The following PRKCB variants were observed in gnomAD, a reference collection of about 807,000 sequenced individuals.
PRKCB encodes protein kinase C beta type.
In PRKCB, 13 loss-of-function variants were observed where a neutral mutation model predicts 81.5. That is an observed-to-expected ratio of 0.16 (90% CI 0.10 to 0.25). The LOEUF (loss-of-function observed/expected upper bound fraction) is 0.25. PRKCB is among the 10% of genes least tolerant of loss of function. The pLI is 1.00. For missense variants in PRKCB, 509 were observed against 875.7 expected (o/e 0.58, Z 5.29); for synonymous variants, 335 against 321.4 (o/e 1.04, Z -0.45).
intron 2 of PRKCB, among the ~76,000 whole-genome samples, chr16:23,912,574 G>A (rs10459766): frequency 0.58 from 78,561 of 136,258 alleles, 22,650 homozygotes; most frequent in Admixed American, 0.64. Context: ...GTGCAGTGGC[G>A]TGATCTAGGC....
intron 2 of PRKCB, among the ~76,000 whole-genome samples, chr16:23,964,266 T>C (rs749003229): frequency 2.0e-5 from 3 of 152,214 alleles, no homozygotes; most frequent in Non-Finnish European, 4.4e-5. Flanking sequence ...CTGATCTAGA[T>C]AGAACAGGAT....
At chr16:24,124,847 T>C (rs198186) in intron 9 of PRKCB, among the ~76,000 whole-genome samples, 119,701 of 152,076 alleles carry the variant, frequency 0.79, 48,035 homozygotes, top group East Asian at 0.96. Context: ...GTATTCCCAC[T>C]GTTCCTGGCC....
chr16:23,990,733 A>G (rs1452610001), intron 3 of PRKCB, among the ~76,000 whole-genome samples: 2 of 152,062 alleles, frequency 1.3e-5, no homozygotes, highest in Non-Finnish European at 2.9e-5. Flanking sequence ...TTGCTTGTAA[A>G]GATAGGTTTT....
chr16:24,110,216 AT>A (rs549422060), intron 7 of PRKCB, among the ~76,000 whole-genome samples: 112 of 143,092 alleles, frequency 7.8e-4, no homozygotes, highest in African/African-American at 2.4e-3. Flanking sequence ...TTTTAAGTCT[AT>A]TTTTTTTTTC....
In PRKCB at chr16:23,882,025, C is replaced by CTTTCTTTCTTT. The variant is rs1597226197; in HGVS notation, c.205+44619_205+44620insTTTCTTTCTTT. On this transcript the variant is annotated intron_variant, in intron 2 of 16. Coordinates refer to ENST00000643927, the MANE Select transcript of PRKCB (RefSeq NM_002738.7). ...TTCTTTCTTTCTTTCTTTCTTTCTT[C>CTTTCTTTCTTT]CTTCCTTCCTTCCTTCCTTCCTTCC... 2.8e-3 allele frequency among the ~76,000 whole-genome samples: 51 copies of CTTTCTTTCTTT among 18,318 alleles called. 2 individuals carry two copies. Among genetic ancestry groups the CTTTCTTTCTTT allele is most frequent in the Non-Finnish European group, 4.1e-3 (34 of 8,380 alleles). The allele number at this position is 18,318 out of a possible 152,430, so 12.0% of individuals were successfully genotyped here. A position where few individuals can be genotyped will look rare whatever the true frequency, so the allele number is the denominator to read the frequency against.
chr16:24,021,088 T>TTTCTTTC (rs1319448779), intron 3 of PRKCB, among the ~76,000 whole-genome samples: 2 of 130,502 alleles, frequency 1.5e-5, no homozygotes, highest in African/African-American at 3.0e-5. Flanking sequence ...TCTTTCTTTC[T>TTTCTTTC]TTTTTTCTTT....
At chr16:23,960,138 A>G (rs758819687) in intron 2 of PRKCB, among the ~76,000 whole-genome samples, 15 of 152,350 alleles carry the variant, frequency 9.8e-5, no homozygotes, top group Non-Finnish European at 1.8e-4. Flanking sequence ...CCCATCCTCA[A>G]CCAATGACTT....
chr16:23,927,063 G>GA (rs1483092259), intron 2 of PRKCB, among the ~76,000 whole-genome samples: 1 of 152,166 alleles, frequency 6.6e-6, no homozygotes, highest in Non-Finnish European at 1.5e-5. Flanking sequence ...GTCTGGTAAA[G>GA]AATGCAGATG....
intron 2 of PRKCB, among the ~76,000 whole-genome samples, chr16:23,855,737 C>T (rs1471865674): frequency 6.6e-6 from 1 of 152,178 alleles, no homozygotes; most frequent in Non-Finnish European, 1.5e-5. Flanking sequence ...GTAATAGAGG[C>T]CAAAGCCAAT....
intron 2 of PRKCB, among the ~76,000 whole-genome samples, chr16:23,959,702 C>T (rs1964397867): frequency 8.2e-6 from 1 of 121,684 alleles, no homozygotes; most frequent in Non-Finnish European, 1.7e-5. Context: ...GTCACTTCCT[C>T]ACTGGTTCTG....
At chr16:24,152,531 C>G (rs1186063055) in intron 9 of PRKCB, among the ~76,000 whole-genome samples, 1 of 152,170 alleles carries the variant, frequency 6.6e-6, no homozygotes, top group Non-Finnish European at 1.5e-5. Context: ...ATCTCCAATT[C>G]CTCTGCTCAC....
Position 24,134,678 on chromosome 16 carries a change from G to A in PRKCB, c.1065+10697G>A, listed in dbSNP as rs769771432. Among the ~76,000 whole-genome samples the A allele has an allele frequency of 1.0e-3, 153 of 152,046 alleles. 2 individuals carry two copies. The highest frequency in any genetic ancestry group is 1.9e-4 in the Non-Finnish European group (13 of 68,030). On this transcript the variant is annotated intron_variant, in intron 9 of 16. Transcript: ENST00000643927. ...GCAGGAGAATCACCTGAACCTGGGAGTCAGAGGTTGCAGTGAGTCGAGATC... is the reference window on the plus strand; with the variant it reads ...GCAGGAGAATCACCTGAACCTGGGAATCAGAGGTTGCAGTGAGTCGAGATC...
At chr16:24,167,648 C>T (rs752937379) in intron 10 of PRKCB, among the ~76,000 whole-genome samples, 15 of 152,152 alleles carry the variant, frequency 9.9e-5, no homozygotes, top group Non-Finnish European at 2.1e-4. Context: ...TCTCCATGTT[C>T]CTTCTCTCCC....
intron 2 of PRKCB, among the ~76,000 whole-genome samples, chr16:23,907,242 A>G (rs528452258): frequency 6.6e-6 from 1 of 152,286 alleles, no homozygotes; most frequent in East Asian, 1.9e-4. Flanking sequence ...TTCAGTTGAG[A>G]ATTACTGCTT....
chr16:24,110,109 TG>T (rs1966653501), intron 7 of PRKCB, among the ~76,000 whole-genome samples: 1 of 89,098 alleles, frequency 1.1e-5, no homozygotes, highest in Non-Finnish European at 2.0e-5. Flanking sequence ...AGGGAGACCG[TG>T]GGGAGAGGGA....
At chr16:24,145,882 G>A (rs946862927) in intron 9 of PRKCB, among the ~76,000 whole-genome samples, 1 of 152,196 alleles carries the variant, frequency 6.6e-6, no homozygotes, top group Non-Finnish European at 1.5e-5. Context: ...TTGTGTCCTC[G>A]TAAACAATGT....
At chr16:23,995,859 T>C (rs1010528617) in intron 3 of PRKCB, among the ~76,000 whole-genome samples, 4 of 152,140 alleles carry the variant, frequency 2.6e-5, no homozygotes, top group African/African-American at 9.7e-5. Flanking sequence ...GGACCCAGTT[T>C]ACAGATGTTT....
intron 15 of PRKCB, among the ~76,000 whole-genome samples, chr16:24,188,921 C>T (rs993653627): frequency 7.2e-5 from 11 of 152,184 alleles, no homozygotes; most frequent in African/African-American, 2.7e-4. Context: ...AAGCCTTTAG[C>T]ACGGAGCCTG....
intron 2 of PRKCB, among the ~76,000 whole-genome samples, chr16:23,982,339 C>A (rs112330408): frequency 2.2e-5 from 3 of 136,012 alleles, no homozygotes; most frequent in Admixed American, 7.3e-5. Context: ...TTCCCTTTCC[C>A]TTTCCCTTCC....
Sources: allele counts gnomAD v4.1 joint callset (sites outside exome capture counted in the v4.1 genomes callset), GRCh38; gene constraint gnomAD v4.1.1; transcripts MANE v1.5; gene names NCBI Gene and HGNC (gene_info 2026-07-23, HGNC 2026-07-21).